The following MLPH variants were observed in gnomAD, a reference collection of about 807,000 sequenced individuals.
MLPH encodes the protein melanophilin, also known as exophilin-3.
A neutral mutation model predicts 72.1 loss-of-function variants in MLPH; 51 were observed. The observed-to-expected ratio is 0.71, with a 90% CI of 0.56 to 0.89. The LOEUF (loss-of-function observed/expected upper bound fraction) is 0.89. Among genes scored for constraint, MLPH ranks in the 40% least tolerant of loss-of-function variants. The pLI is 0.00. For synonymous variants in MLPH, 301 were observed against 310.1 expected (o/e 0.97, Z 0.31); for missense variants, 743 against 759.9 (o/e 0.98, Z 0.26).
Position 237,541,525 on chromosome 2 carries a change from G to A in MLPH, c.1446+568G>A, listed in dbSNP as rs951174692. On this transcript the variant is annotated intron_variant, in intron 11 of 15. Transcript: ENST00000264605. This position sits in a 1 kb window ranked among gnomAD's most constrained non-coding sequence, Gnocchi z 5.1. ...GACTGTGAGGACAGCCAGCCCCCAC[G>A]GCCCTCCTCCACTTCCCTTCTCATC... 4.6e-5 allele frequency among the ~76,000 whole-genome samples: 7 copies of A among 152,150 alleles called. No individual in the cohort carries two copies. Among genetic ancestry groups the A allele is most frequent in the African/African-American group, 7.2e-5 (3 of 41,432 alleles).
At chr2:237,530,967 G>A (rs59704432) in intron 8 of MLPH, among the ~76,000 whole-genome samples, 3,865 of 152,304 alleles carry the variant, frequency 0.025, 162 homozygotes, top group African/African-American at 0.087. Context: ...CACACAAGTC[G>A]AGCAGAGCCA....
At chr2:237,528,198 G>A (rs1055871331) in intron 8 of MLPH, among the ~76,000 whole-genome samples, 11 of 152,052 alleles carry the variant, frequency 7.2e-5, no homozygotes, top group Non-Finnish European at 7.4e-5. Context: ...GGAGATGGAC[G>A]GTGGTGACAG....
intron 8 of MLPH, among the ~76,000 whole-genome samples, chr2:237,527,855 A>G (rs888902911): frequency 6.6e-6 from 1 of 152,214 alleles, no homozygotes; most frequent in African/African-American, 2.4e-5. Flanking sequence ...GTTATTTGTA[A>G]TAATCAAAAG....
At chr2:237,534,537 C>A in intron 8 of MLPH, 27 bp from the exon 9 acceptor site, 1 of 1,598,120 alleles carries the variant, frequency 6.3e-7, no homozygotes, top group Non-Finnish European at 8.6e-7. Context: ...GGGTCCTCTG[C>A]CCACTGTTTC....
At chr2:237,521,833 G>A (rs74001391) in intron 6 of MLPH, among the ~76,000 whole-genome samples, 21,149 of 123,758 alleles carry the variant, frequency 0.17, 1,873 homozygotes, top group African/African-American at 0.34. Context: ...CTGGGGTTGG[G>A]CCTTCAAACA....
chr2:237,553,831 A>G lies in MLPH; in HGVS notation c.*239A>G, dbSNP rs1253839183. 8 of 694,956 alleles carry G rather than the reference A, an allele frequency of 1.2e-5. No homozygotes were observed. In the East Asian group the frequency reaches 1.9e-4, roughly 17 times the overall value. 43.0% of individuals were successfully genotyped at this position (694,956 alleles called of 1,614,324 possible). A position where few individuals can be genotyped will look rare whatever the true frequency, so the allele number is the denominator to read the frequency against. On this transcript the variant is annotated 3_prime_UTR_variant, in exon 16 of 16. Transcript: ENST00000264605. ...CCCACCATCCTCTCTGATCTGTGAGAAACAGCTAAGCTGCTGTGACTTCCC... is the reference window on the plus strand; with the variant it reads ...CCCACCATCCTCTCTGATCTGTGAGGAACAGCTAAGCTGCTGTGACTTCCC...
chr2:237,495,295 G>A (rs56073761), intron 2 of MLPH, among the ~76,000 whole-genome samples: 44 of 152,274 alleles, frequency 2.9e-4, no homozygotes, highest in African/African-American at 9.9e-4. Flanking sequence ...TCATTCCATC[G>A]GCAAAGTCCC....
intron 4 of MLPH, among the ~76,000 whole-genome samples, chr2:237,515,871 C>T (rs773975283): frequency 1.3e-5 from 2 of 152,174 alleles, no homozygotes; most frequent in Non-Finnish European, 2.9e-5. Context: ...ATTCCTTCTC[C>T]TTCCTTTTCC....
Position 237,512,688 on chromosome 2 carries a change from G to A in MLPH, c.445+1587G>A, listed in dbSNP as rs2079930560. Among the ~76,000 whole-genome samples the A allele has an allele frequency of 6.6e-6, 1 of 152,068 alleles. No individual in the cohort carries two copies. Among genetic ancestry groups the A allele is most frequent in the Non-Finnish European group, 1.5e-5 (1 of 68,024 alleles). On this transcript the variant is annotated intron_variant, in intron 4 of 15. Coordinates refer to ENST00000264605, the MANE Select transcript of MLPH (RefSeq NM_024101.7). This position sits in a 1 kb window ranked among gnomAD's most constrained non-coding sequence, Gnocchi z 5.5. ...CCTGCAGCCAGTGGAGCTTGGTCCAGCCTCCAGTCCACCCCTAACAGGCTT... is the reference window on the plus strand; with the variant it reads ...CCTGCAGCCAGTGGAGCTTGGTCCAACCTCCAGTCCACCCCTAACAGGCTT...
upstream of MLPH, chr2:237,486,744 G>T (rs1185764412): frequency 6.6e-6 from 1 of 152,350 alleles, no homozygotes; most frequent in East Asian, 1.9e-4. Context: ...AAGGGGTGAG[G>T]GTACGCTCTC....
intron 6 of MLPH, among the ~76,000 whole-genome samples, chr2:237,523,405 G>A (rs2080231887): frequency 6.6e-6 from 1 of 152,200 alleles, no homozygotes; most frequent in South Asian, 2.1e-4. Context: ...TTGCACCAAT[G>A]TTTTTAGTTC....
intron 7 of MLPH, 57 bp downstream of exon 7, chr2:237,525,862 T>C (rs533698332): frequency 5.2e-4 from 808 of 1,539,926 alleles, no homozygotes; most frequent in Non-Finnish European, 6.4e-4. Context: ...AGCAGGTCAC[T>C]GAGGAACAAC....
rs2079573878 is a variant in MLPH at position 237,498,158 on chromosome 2, G to A, written c.110+4622G>A. ...AATATGCATCAGGGGAACACAGCAT[G>A]CAGACTCAAGGCCAGTGCCCCAGAA... On this transcript the variant is annotated intron_variant, in intron 2 of 15. Transcript: ENST00000264605. Among the ~76,000 whole-genome samples the A allele has an allele frequency of 2.0e-5, 3 of 152,224 alleles. No homozygotes were observed. In the South Asian group the frequency reaches 6.2e-4, roughly 32 times the overall value.
chr2:237,536,212 G>A (rs1218829576), intron 9 of MLPH, among the ~76,000 whole-genome samples: 2 of 152,108 alleles, frequency 1.3e-5, no homozygotes, highest in Non-Finnish European at 2.9e-5. Flanking sequence ...GACCCCAAGG[G>A]CTACCCCTGC....
rs531812736 is a variant in MLPH at position 237,522,752 on chromosome 2, A to G, written c.675+2723A>G. On this transcript the variant is annotated intron_variant, in intron 6 of 15. Coordinates refer to ENST00000264605, the MANE Select transcript of MLPH (RefSeq NM_024101.7). The stretch of plus-strand genomic sequence containing the variant: ...TGAGCTGACTTTCCTGCTGCTGCTA[A>G]GAGAAAGCTAATTAATGGAAGGGGT... Among the ~76,000 whole-genome samples the G allele has an allele frequency of 1.1e-4, 17 of 152,292 alleles. No individual in the cohort carries two copies. The East Asian group carries it at 3.1e-3, about 28-fold the overall frequency.
chr2:237,532,330 G>C (rs75705640), intron 8 of MLPH, among the ~76,000 whole-genome samples: 2,864 of 152,316 alleles, frequency 0.019, 49 homozygotes, highest in South Asian at 0.067. Context: ...CTTTCCCGAC[G>C]AGGGGTAAAG....
Position 237,510,231 on chromosome 2 carries a change from G to A in MLPH, c.111-343G>A, listed in dbSNP as rs999918241. 5.4e-6 allele frequency: 2 copies of A among 368,428 alleles called. No individual in the cohort carries two copies. The highest frequency in any genetic ancestry group is 4.2e-5 in the African/African-American group (2 of 47,610). 22.8% of individuals were successfully genotyped at this position (368,428 alleles called of 1,614,324 possible). On this transcript the variant is annotated intron_variant, in intron 2 of 15. Transcript: ENST00000264605. The surrounding 1 kb of genome is among the most constrained non-coding windows in gnomAD (Gnocchi z 4.4). Reference sequence around the variant, plus strand: ...GAAACACCATCTGGCTTTGCCCCCAGGATTCTGTGACTGCCCTGGGGAGGG... The same window carrying A: ...GAAACACCATCTGGCTTTGCCCCCAAGATTCTGTGACTGCCCTGGGGAGGG...
At chr2:237,537,532 C>T (rs2080562108) in intron 9 of MLPH, 1 of 152,212 alleles carries the variant, frequency 6.6e-6, no homozygotes, top group Non-Finnish European at 1.5e-5. Context: ...CCACCGAGGG[C>T]CTCTGTGATT....
At chr2:237,503,937 G>A (rs141538486) in intron 2 of MLPH, among the ~76,000 whole-genome samples, 434 of 152,324 alleles carry the variant, frequency 2.8e-3, no homozygotes, top group Non-Finnish European at 5.0e-3. Context: ...GGACCTGGGA[G>A]ATGATCCCGG....
Sources: gnomAD v4.1 joint callset for allele counts (sites outside exome capture counted in the v4.1 genomes callset) on GRCh38, gnomAD v4.1.1 for gene constraint, Gnocchi (gnomAD v3.1) non-coding constraint, MANE v1.5 for transcripts, NCBI Gene and HGNC (gene_info 2026-07-23, HGNC 2026-07-21) for gene names.